The following ERC2 variants were observed in gnomAD, a reference collection of about 807,000 sequenced individuals.
ERC2 encodes the protein ELKS/RAB6-interacting/CAST family member 2.
In ERC2, 42 loss-of-function variants were observed where a neutral mutation model predicts 114.8. That is an observed-to-expected ratio of 0.37 (90% CI 0.29 to 0.47). The LOEUF is 0.47. Among genes scored for constraint, ERC2 ranks in the 20% least tolerant of loss-of-function variants. The pLI, the probability that ERC2 is intolerant of heterozygous loss-of-function variation, is 0.99. For missense variants in ERC2, 939 were observed against 1,150.7 expected (o/e 0.82, Z 2.66); for synonymous variants, 454 against 425.5 (o/e 1.07, Z -0.82).
chr3:56,190,774 T>G (rs1273964015), intron 3 of ERC2, among the ~76,000 whole-genome samples: 1 of 152,036 alleles, frequency 6.6e-6, no homozygotes, highest in South Asian at 2.1e-4. Flanking sequence ...GGGTCTCATC[T>G]TGTTGCCTAG....
At chr3:55,782,552 C>T (rs1010266914) in intron 14 of ERC2, among the ~76,000 whole-genome samples, 24 of 152,138 alleles carry the variant, frequency 1.6e-4, no homozygotes, top group African/African-American at 3.9e-4. Context: ...TCTATTTACT[C>T]GACAAATACA....
chr3:56,367,154 A>G lies in ERC2; in HGVS notation c.657+67197T>C, dbSNP rs149240357. Among the ~76,000 whole-genome samples the G allele has an allele frequency of 4.9e-3, 738 of 152,162 alleles. 4 individuals are homozygous for G. Among genetic ancestry groups the G allele is most frequent in the African/African-American group, 0.017 (687 of 41,498 alleles). On this transcript the variant is annotated intron_variant, in intron 2 of 17. Coordinates refer to ENST00000288221, the MANE Select transcript of ERC2 (RefSeq NM_015576.3). ...GTGCCTATCATACCTCATTTCATCAATGTCATCTTCAGTGGATACTCTAAG... is the reference window on the plus strand; with the variant it reads ...GTGCCTATCATACCTCATTTCATCAGTGTCATCTTCAGTGGATACTCTAAG...
At chr3:55,794,851 T>G (rs2070347638) in intron 14 of ERC2, among the ~76,000 whole-genome samples, 1 of 152,222 alleles carries the variant, frequency 6.6e-6, no homozygotes, top group Non-Finnish European at 1.5e-5. Context: ...GTTCTGATGG[T>G]TTGGCTGAAT....
intron 16 of ERC2, among the ~76,000 whole-genome samples, chr3:55,691,473 G>C (rs775896568): frequency 7.0e-6 from 1 of 142,272 alleles, no homozygotes; most frequent in Non-Finnish European, 1.5e-5. Flanking sequence ...GAATCTGAAG[G>C]CTTCATCCCC....
At chr3:55,753,940 T>C (rs2066885734) in intron 14 of ERC2, among the ~76,000 whole-genome samples, 1 of 152,212 alleles carries the variant, frequency 6.6e-6, no homozygotes. Flanking sequence ...TAATTAACTC[T>C]TTGAATCTCA....
intron 15 of ERC2, among the ~76,000 whole-genome samples, chr3:55,731,458 C>T (rs1004153469): frequency 6.6e-6 from 1 of 152,202 alleles, no homozygotes; most frequent in African/African-American, 2.4e-5. Flanking sequence ...ATGCAAAGCA[C>T]TTGGTTTACC....
intron 13 of ERC2, among the ~76,000 whole-genome samples, chr3:55,933,448 G>A (rs528840821): frequency 9.9e-5 from 15 of 152,170 alleles, no homozygotes; most frequent in African/African-American, 2.9e-4. Flanking sequence ...AAAGAATAAC[G>A]ATACCTGTAT....
intron 14 of ERC2, among the ~76,000 whole-genome samples, chr3:55,778,288 C>G (rs145416627): frequency 6.6e-6 from 1 of 152,218 alleles, no homozygotes; most frequent in South Asian, 2.1e-4. Flanking sequence ...TGGGTAAGTC[C>G]GGCTGTTTCT....
At chr3:55,526,963 G>A (rs376616844) in intron 17 of ERC2, among the ~76,000 whole-genome samples, 1 of 152,240 alleles carries the variant, frequency 6.6e-6, no homozygotes, top group Non-Finnish European at 1.5e-5. Flanking sequence ...AGGAGCACAC[G>A]TGTCTCCACA....
At chr3:56,369,278 C>T (rs1576626250) in intron 2 of ERC2, among the ~76,000 whole-genome samples, 1 of 152,304 alleles carries the variant, frequency 6.6e-6, no homozygotes, top group East Asian at 1.9e-4. Context: ...CTCCTTTGAT[C>T]TTACTGATTT....
chr3:56,405,333 A>T (rs1040205880), intron 2 of ERC2, among the ~76,000 whole-genome samples: 1 of 151,780 alleles, frequency 6.6e-6, no homozygotes, highest in Non-Finnish European at 1.5e-5. Context: ...AATCCCAGCT[A>T]CTCGGGAGGC....
chr3:55,832,057 G>T (rs559878056), intron 14 of ERC2, among the ~76,000 whole-genome samples: 1 of 152,352 alleles, frequency 6.6e-6, no homozygotes, highest in Non-Finnish European at 1.5e-5. Context: ...TGGGGGAGGG[G>T]CGCCCGCCAT....
intron 2 of ERC2, among the ~76,000 whole-genome samples, chr3:56,326,565 C>T (rs539297374): frequency 1.2e-3 from 190 of 152,344 alleles, no homozygotes; most frequent in African/African-American, 4.1e-3. Flanking sequence ...CCTGTACATG[C>T]AGGTGTGAGA....
At chr3:56,109,358 T>G (rs1200338331) in intron 6 of ERC2, among the ~76,000 whole-genome samples, 1 of 152,198 alleles carries the variant, frequency 6.6e-6, no homozygotes, top group Admixed American at 6.5e-5. Context: ...AATCTCATTC[T>G]TTTTTATGGC....
chr3:56,346,880 A>G (rs1320071734), intron 2 of ERC2, among the ~76,000 whole-genome samples: 2 of 152,214 alleles, frequency 1.3e-5, no homozygotes, highest in East Asian at 3.9e-4. Flanking sequence ...AGGGGAGAGC[A>G]CGAGATGGAG....
chr3:56,163,283 G>A (rs2082150235), intron 4 of ERC2, among the ~76,000 whole-genome samples: 4 of 152,118 alleles, frequency 2.6e-5, no homozygotes, highest in South Asian at 2.1e-4. Flanking sequence ...CCTTATGGCC[G>A]AGCATGTGGT....
At chr3:55,994,381 G>A (rs1254051026) in intron 10 of ERC2, among the ~76,000 whole-genome samples, 4 of 152,038 alleles carry the variant, frequency 2.6e-5, no homozygotes, top group South Asian at 2.1e-4. Flanking sequence ...ATTATAGTCC[G>A]TTTTTAATAA....
intron 2 of ERC2, among the ~76,000 whole-genome samples, chr3:56,366,111 A>G (rs2059140013): frequency 6.6e-6 from 1 of 152,092 alleles, no homozygotes; most frequent in Admixed American, 6.6e-5. Flanking sequence ...CCTTCCTCCA[A>G]CCAAATATTC....
chr3:56,153,237 T>C (rs1310976884), intron 4 of ERC2, among the ~76,000 whole-genome samples: 1 of 152,124 alleles, frequency 6.6e-6, no homozygotes, highest in African/African-American at 2.4e-5. Context: ...CAGGTAGATC[T>C]CAAGAAGATC....
Sources: gnomAD v4.1 joint callset for allele counts (sites outside exome capture counted in the v4.1 genomes callset) on GRCh38, gnomAD v4.1.1 for gene constraint, MANE v1.5 for transcripts, NCBI Gene and HGNC (gene_info 2026-07-23, HGNC 2026-07-21) for gene names.